Variants in SPEG observed in about 807,000 individuals in gnomAD.
SPEG encodes the protein striated muscle preferentially expressed protein kinase.
In SPEG, 114 loss-of-function variants were observed where a neutral mutation model predicts 300.4. The ratio of observed to expected loss-of-function variants is 0.38; its 90% CI spans 0.33 to 0.44. The LOEUF is 0.44. Among genes scored for constraint, SPEG ranks in the 20% least tolerant of loss-of-function variants. The pLI is 1.00. For missense variants in SPEG, 4,201 were observed against 4,586.2 expected (o/e 0.92, Z 2.43); for synonymous variants, 1,964 against 2,018.9 (o/e 0.97, Z 0.73).
rs1327642340 is a variant in SPEG, at chr2:219,459,003, CAG to C, written c.2441-2878_2441-2877del. On this transcript the variant is annotated intron_variant, in intron 6 of 40. Coordinates refer to ENST00000312358, the MANE Select transcript of SPEG (RefSeq NM_005876.5). This position sits in a 1 kb window ranked among gnomAD's most constrained non-coding sequence, Gnocchi z 4.9. ...AACTCTGTCTATTGTGAGAACACAT[CAG>C]GGGACGCTGAAACAGTTGGGGTCGG... 6.6e-6 allele frequency among the ~76,000 whole-genome samples: 1 copy of C among 152,182 alleles called. No homozygotes were observed. Among genetic ancestry groups the C allele is most frequent in the African/African-American group, 2.4e-5 (1 of 41,428 alleles).
In SPEG at chr2:219,464,624, C is replaced by G. The variant is rs766848367; in HGVS notation, c.2881+16C>G. The G allele has an allele frequency of 6.2e-7, 1 of 1,610,666 alleles. No individual in the cohort carries two copies. The highest frequency in any genetic ancestry group is 1.1e-5 in the South Asian group (1 of 90,918). On this transcript the variant is annotated intron_variant, in intron 9 of 40. Coordinates refer to ENST00000312358, the MANE Select transcript of SPEG (RefSeq NM_005876.5). The surrounding 1 kb of genome is among the most constrained non-coding windows in gnomAD (Gnocchi z 4.5). ...GAGGTCCGAGGTGAGTACCTGATTT[C>G]TCCATGAATGCCCACCTGGCCCTGG...
Position 219,484,806 on chromosome 2 carries a change from C to T in SPEG, c.7343C>T (p.Ser2448Phe), listed in dbSNP as rs1440126840. ...GAGGGCGGGAGCTCGGCGCGGGGCT[C>T]CCCGGTGCTGGCGATGCGCAGGCGG... The part of the protein sequence containing the change: ...SSEGGSSARG[S>F]PVLAMRRRLS... Residue 2448 changes from serine to phenylalanine, a missense_variant, in exon 30 of 41, where the codon TCC becomes TTC. By Grantham distance (155) the Ser-to-Phe change is radical. This residue lies in a region of SPEG where 1,578 missense variants were observed against 1,506.0 expected (regional missense o/e 1.05). Transcript: ENST00000312358. 6.7e-7 allele frequency: 1 copy of T among 1,488,866 alleles called. No individual in the cohort carries two copies. The highest frequency in any genetic ancestry group is 8.9e-7 in the Non-Finnish European group (1 of 1,128,424). 92.2% of individuals were successfully genotyped at this position (1,488,866 alleles called of 1,614,324 possible).
rs762813788 is a variant in SPEG at position 219,490,933 on chromosome 2, G to A, written c.9362G>A (p.Arg3121His). Residue 3121 changes from arginine to histidine, a missense_variant, in exon 38 of 41, where the codon CGC becomes CAC. By Grantham distance (29) the Arg-to-His change is conservative. Transcript: ENST00000312358. ...CAGGCCCTTAGGCCCCTTGGCCACC[G>A]CACGGGCACGCTGGAGTTCATGGGT... ...NPQALRPLGH[R>H]TGTLEFMAPE... is the part of the protein sequence containing the mutation. The A allele has an allele frequency of 5.6e-6, 9 of 1,612,880 alleles. No homozygotes were observed. The highest frequency in any genetic ancestry group is 2.7e-5 in the African/African-American group (2 of 74,936).
chr2:219,449,132 G>A lies in SPEG; in HGVS notation c.1974G>A (p.Glu658=), dbSNP rs1440118300. The change falls in exon 4 of 41, where the codon GAG becomes GAA. Residue 658 remains glutamate (E), a synonymous_variant. Transcript: ENST00000312358. ...GCGCTGCTGTACCCCAGACCTTGGAGAAGAACAGGGCGGGGCCTGAGGCAG... is the reference window on the plus strand; with the variant it reads ...GCGCTGCTGTACCCCAGACCTTGGAAAAGAACAGGGCGGGGCCTGAGGCAG... The part of the protein sequence containing the change: ...LEGAAVPQTL[E]KNRAGPEAEK... 2.1e-6 allele frequency: 3 copies of A among 1,451,270 alleles called. No individual in the cohort carries two copies. Among genetic ancestry groups the A allele is most frequent in the East Asian group, 2.9e-5 (1 of 34,486 alleles). The allele number at this position is 1,451,270 out of a possible 1,614,324, so 89.9% of individuals were successfully genotyped here.
chr2:219,457,133 G>T (rs548890296), intron 6 of SPEG, among the ~76,000 whole-genome samples: 1 of 152,184 alleles, frequency 6.6e-6, no homozygotes, highest in East Asian at 1.9e-4. Flanking sequence ...TGACTTTTCC[G>T]CAGTGGGGTT....
At chr2:219,455,977 T>G (rs1349457066) in intron 6 of SPEG, among the ~76,000 whole-genome samples, 1 of 152,216 alleles carries the variant, frequency 6.6e-6, no homozygotes, top group East Asian at 1.9e-4. Flanking sequence ...CCAGGATTCT[T>G]GCATTTTCCA....
Position 219,435,349 on chromosome 2 carries a change from A to G in SPEG, c.372A>G (p.Thr124=), listed in dbSNP as rs1384413608. 6.5e-7 allele frequency: 1 copy of G among 1,538,566 alleles called. No individual in the cohort carries two copies. Among genetic ancestry groups the G allele is most frequent in the Non-Finnish European group, 8.7e-7 (1 of 1,149,728 alleles). ...RGRASCEAVL[T]VLEVGDSETA... ...GGGCCTCCTGCGAGGCGGTGCTCAC[A>G]GTGCTGGAGGTCGGAGGTAAAGGGC... Residue 124 remains threonine, a synonymous_variant, in exon 1 of 41, where the codon ACA becomes ACG. Transcript: ENST00000312358.
chr2:219,456,410 G>A (rs1690186817), intron 6 of SPEG, among the ~76,000 whole-genome samples: 1 of 152,220 alleles, frequency 6.6e-6, no homozygotes, highest in South Asian at 2.1e-4. Context: ...AGACAAAGCA[G>A]TGTGGCATGG....
At position 219,460,295 on chromosome 2, in the gene SPEG, C is replaced by T. The variant is rs191703481; in HGVS notation, c.2441-1587C>T. On this transcript the variant is annotated intron_variant, in intron 6 of 40. Coordinates refer to ENST00000312358, the MANE Select transcript of SPEG (RefSeq NM_005876.5). ...GAGGGCAAAGATCTTGACAGTTCTCCGATTTTCGGGGCCAAAGAAAACAGG... is the reference window on the plus strand; with the variant it reads ...GAGGGCAAAGATCTTGACAGTTCTCTGATTTTCGGGGCCAAAGAAAACAGG... 2.9e-4 allele frequency: 282 copies of T among 985,358 alleles called. 1 individual carries two copies. In the African/African-American group the frequency reaches 4.4e-3, roughly 15 times the overall value. The allele number at this position is 985,358 out of a possible 1,614,324, so 61.0% of individuals were successfully genotyped here. A position where few individuals can be genotyped will look rare whatever the true frequency, so the allele number is the denominator to read the frequency against.
chr2:219,480,277 T>C lies in SPEG; in HGVS notation c.5342+137T>C. On this transcript the variant is annotated intron_variant, in intron 25 of 40. Transcript: ENST00000312358. This position sits in a 1 kb window ranked among gnomAD's most constrained non-coding sequence, Gnocchi z 5.3. The stretch of plus-strand genomic sequence containing the variant: ...GGCTGGAGGCATTGTTTGCAGGGTC[T>C]CCTGCCCATGTTACTCCTTGCCCCT... The C allele has an allele frequency of 1.1e-6, 1 of 927,720 alleles. No individual in the cohort carries two copies. Among genetic ancestry groups the C allele is most frequent in the Non-Finnish European group, 1.6e-6 (1 of 615,778 alleles). 57.5% of individuals were successfully genotyped at this position (927,720 alleles called of 1,614,324 possible).
At position 219,481,031 on chromosome 2, in the gene SPEG, C is replaced by T. The variant is rs1692794260; in HGVS notation, c.5370-273C>T. Among the ~76,000 whole-genome samples the T allele has an allele frequency of 6.6e-6, 1 of 152,192 alleles. No homozygotes were observed. The highest frequency in any genetic ancestry group is 1.5e-5 in the Non-Finnish European group (1 of 68,030). On this transcript the variant is annotated intron_variant, in intron 26 of 40. Coordinates refer to ENST00000312358, the MANE Select transcript of SPEG (RefSeq NM_005876.5). The surrounding 1 kb of genome is among the most constrained non-coding windows in gnomAD (Gnocchi z 5.4). ...ACATCCCCTTGGCACAGACTCTTCA[C>T]TCATGGAGAGGCCACACTGGAGGAG...
chr2:219,454,206 C>T (rs115870573), intron 6 of SPEG, among the ~76,000 whole-genome samples: 2 of 152,268 alleles, frequency 1.3e-5, no homozygotes, highest in African/African-American at 4.8e-5. Context: ...GCCATGGTAA[C>T]CAGGGAATGG....
rs767753935 is a variant in SPEG at position 219,483,172 on chromosome 2, G to A, written c.5709G>A (p.Arg1903=). The A allele has an allele frequency of 6.2e-7, 1 of 1,609,704 alleles. No homozygotes were observed. Among genetic ancestry groups the A allele is most frequent in the South Asian group, 1.1e-5 (1 of 90,796 alleles). ...AGCTGCTGCGGGCCCCCCCAGAGCGGGTGTGGGTGACCATGCCCAGAAGGC... is the reference window on the plus strand; with the variant it reads ...AGCTGCTGCGGGCCCCCCCAGAGCGAGTGTGGGTGACCATGCCCAGAAGGC... ...IPELLRAPPE[R]VWVTMPRRPP... is the part of the protein sequence containing the mutation. The change falls in exon 30 of 41, where the codon CGG becomes CGA. Residue 1903 remains arginine, a synonymous_variant. Coordinates refer to ENST00000312358, the MANE Select transcript of SPEG (RefSeq NM_005876.5).
In SPEG at chr2:219,443,264, C is replaced by A; in HGVS notation, c.389-1389C>A. The A allele has an allele frequency of 9.8e-7, 1 of 1,020,916 alleles. No individual in the cohort carries two copies. The highest frequency in any genetic ancestry group is 1.6e-6 in the Non-Finnish European group (1 of 640,422). The allele number at this position is 1,020,916 out of a possible 1,614,324, so 63.2% of individuals were successfully genotyped here. ...ACAGCCCATGAGATGTGGAACCCTCCCACTCACCCCCACACTTATCTACCA... is the reference window on the plus strand; with the variant it reads ...ACAGCCCATGAGATGTGGAACCCTCACACTCACCCCCACACTTATCTACCA... On this transcript the variant is annotated intron_variant, in intron 1 of 40. Transcript: ENST00000312358. This position sits in a 1 kb window ranked among gnomAD's most constrained non-coding sequence, Gnocchi z 4.6.
intron 6 of SPEG, among the ~76,000 whole-genome samples, chr2:219,453,190 G>C (rs1346034287): frequency 6.6e-6 from 1 of 152,226 alleles, no homozygotes; most frequent in Non-Finnish European, 1.5e-5. Flanking sequence ...GGGTGGGATG[G>C]GGGTGCCCCG....
chr2:219,451,172 A>AGCC lies in SPEG; in HGVS notation c.2151_2153dup (p.Pro718dup). The AGCC allele has an allele frequency of 1.2e-6, 2 of 1,613,642 alleles. No homozygotes were observed. Among genetic ancestry groups the AGCC allele is most frequent in the Non-Finnish European group, 1.7e-6 (2 of 1,179,882 alleles). ...GACTCCTACGTGTCCGCTGGAGAAGAGCCCCTAGAGGCCCCTGTGTTTGAG... is the reference window on the plus strand; with the variant it reads ...GACTCCTACGTGTCCGCTGGAGAAGAGCCGCCCCTAGAGGCCCCTGTGTTTGAG... On this transcript the variant is annotated inframe_insertion, in exon 5 of 41. Coordinates refer to ENST00000312358, the MANE Select transcript of SPEG (RefSeq NM_005876.5). This position sits in a 1 kb window ranked among gnomAD's most constrained non-coding sequence, Gnocchi z 6.4.
chr2:219,443,318 C>A lies in SPEG; in HGVS notation c.389-1335C>A. On this transcript the variant is annotated intron_variant, in intron 1 of 40. Coordinates refer to ENST00000312358, the MANE Select transcript of SPEG (RefSeq NM_005876.5). The surrounding 1 kb of genome is among the most constrained non-coding windows in gnomAD (Gnocchi z 4.6). The stretch of plus-strand genomic sequence containing the variant: ...ACCCGACCAGGCCCCCTGTGCCCTA[C>A]AGCTGAGAGAGGACCCAGCAGAAGG... 1.3e-6 allele frequency: 1 copy of A among 754,996 alleles called. No homozygotes were observed. Among genetic ancestry groups the A allele is most frequent in the Non-Finnish European group, 2.4e-6 (1 of 419,000 alleles). The allele number at this position is 754,996 out of a possible 1,614,324, so 46.8% of individuals were successfully genotyped here.
chr2:219,464,542 T>G lies in SPEG; in HGVS notation c.2815T>G (p.Phe939Val). ...ILAAERGDAG[F>V]YTCKAVNEYG... is the part of the protein sequence containing the mutation. ...GGCTGCAGAGCGTGGCGATGCTGGT[T>G]TCTACACTTGCAAAGCGGTCAATGA... The change falls in exon 9 of 41, where the codon TTC becomes GTC. Residue 939 changes from phenylalanine (F) to valine (V), a missense_variant. Physicochemically the swap from Phe to Val is conservative, Grantham distance 50. Transcript: ENST00000312358. The surrounding 1 kb of genome is among the most constrained non-coding windows in gnomAD (Gnocchi z 4.5). 6.2e-7 allele frequency: 1 copy of G among 1,614,238 alleles called. No homozygotes were observed. The highest frequency in any genetic ancestry group is 8.5e-7 in the Non-Finnish European group (1 of 1,180,028).
Position 219,471,918 on chromosome 2 carries a change from G to C in SPEG, c.3766G>C (p.Gly1256Arg). The C allele has an allele frequency of 6.2e-7, 1 of 1,614,000 alleles. No homozygotes were observed. The highest frequency in any genetic ancestry group is 8.5e-7 in the Non-Finnish European group (1 of 1,180,004). The change falls in exon 14 of 41, where the codon GGT becomes CGT. Residue 1256 changes from glycine (G) to arginine (R), a missense_variant. Gly to Arg is a moderately radical substitution (Grantham distance 125, BLOSUM62 -2). This residue lies in a region of SPEG where 1,047 missense variants were observed against 1,356.8 expected (regional missense o/e 0.77). Transcript: ENST00000312358. ...CCCTGCCGTGGGGCCTCAGCACGCCGGTGTCTACAAGAGCGTCATTGCCAA... is the reference window on the plus strand; with the variant it reads ...CCCTGCCGTGGGGCCTCAGCACGCCCGTGTCTACAAGAGCGTCATTGCCAA... ...VFPAVGPQHA[G>R]VYKSVIANKL...
Sources: allele counts gnomAD v4.1 joint callset (sites outside exome capture counted in the v4.1 genomes callset), GRCh38; gene constraint gnomAD v4.1.1; regional missense constraint gnomAD v4.1.1; non-coding constraint Gnocchi (gnomAD v3.1); transcripts MANE v1.5; gene names NCBI Gene and HGNC (gene_info 2026-07-23, HGNC 2026-07-21).